The following MARF1 variants were observed in gnomAD, a reference collection of about 807,000 sequenced individuals.
MARF1 encodes the protein limkain-b1.
In MARF1, 24 loss-of-function variants were observed where a neutral mutation model predicts 168.2. The ratio of observed to expected loss-of-function variants is 0.14; its 90% CI spans 0.10 to 0.20. The LOEUF is 0.20. Among genes scored for constraint, MARF1 ranks in the 10% least tolerant of loss-of-function variants. The pLI is 1.00. For synonymous variants in MARF1, 868 were observed against 822.4 expected (o/e 1.06, Z -0.95); for missense variants, 1,744 against 2,143.6 (o/e 0.81, Z 3.68).
rs1194892094 is a variant in MARF1 at position 15,617,342 on chromosome 16, G to A, written c.2914C>T (p.His972Tyr). The change falls in exon 14 of 27, where the codon CAC (histidine) becomes TAC (tyrosine). Residue 972 changes from histidine (H) to tyrosine (Y), a missense_variant. His to Tyr is a moderately conservative substitution (Grantham distance 83). Around this residue, in one of 7 missense-constraint regions of MARF1, gnomAD observed 543 missense variants for 742.1 expected, o/e 0.73. Transcript: ENST00000396368. ...SPIIFEELEY[H>Y]EPVCRQHCSN... ...CAATGCTGTCTGCAGACAGGCTCGT[G>A]ATATTCTAACTCTTCAAATATAATT... The A allele has an allele frequency of 8.7e-6, 14 of 1,614,142 alleles. No individual in the cohort carries two copies. Among genetic ancestry groups the A allele is most frequent in the Non-Finnish European group, 1.2e-5 (14 of 1,180,006 alleles).
chr16:15,626,009 G>A (rs910513712), intron 7 of MARF1, among the ~76,000 whole-genome samples: 2 of 152,166 alleles, frequency 1.3e-5, no homozygotes, highest in African/African-American at 4.8e-5. Context: ...GCATGGTGGT[G>A]CATGCCTACA....
intron 12 of MARF1, 138 bp from the exon 13 acceptor site, chr16:15,620,669 G>A: frequency 1.7e-6 from 1 of 583,106 alleles, no homozygotes. Flanking sequence ...GTATTTTCCA[G>A]AAAAATTTAA....
At chr16:15,641,951 T>C (rs907067495) in intron 1 of MARF1, among the ~76,000 whole-genome samples, 3 of 152,232 alleles carry the variant, frequency 2.0e-5, no homozygotes, top group Admixed American at 6.5e-5. Context: ...TTCAAGTCTT[T>C]TGACCAATTC....
chr16:15,596,292 G>A lies in MARF1; in HGVS notation c.*401C>T, dbSNP rs756790184. 6.4e-6 allele frequency: 1 copy of A among 155,556 alleles called. No individual in the cohort carries two copies. Among genetic ancestry groups the A allele is most frequent in the Non-Finnish European group, 1.4e-5 (1 of 71,124 alleles). 9.6% of individuals were successfully genotyped at this position (155,556 alleles called of 1,614,324 possible). ...GGAAACACCAGTAAGCAAAGGCTGA[G>A]AGACTCTATTATGCTACATGTAGGA... On this transcript the variant is annotated 3_prime_UTR_variant, in exon 27 of 27. Transcript: ENST00000396368.
chr16:15,604,039 G>C (rs533391688), intron 22 of MARF1, 129 bp downstream of exon 22: 1 of 716,464 alleles, frequency 1.4e-6, no homozygotes, highest in African/African-American at 1.8e-5. Context: ...GTCTCGGCGT[G>C]TTCATCCATG....
intron 2 of MARF1, among the ~76,000 whole-genome samples, chr16:15,636,848 C>A (rs898278290): frequency 6.6e-6 from 1 of 152,176 alleles, no homozygotes; most frequent in Non-Finnish European, 1.5e-5. Flanking sequence ...CAGATGAGAT[C>A]AGCCATCTAC....
chr16:15,635,088 T>C lies in MARF1; in HGVS notation c.832-157A>G, dbSNP rs1265040678. On this transcript the variant is annotated intron_variant, in intron 3 of 26. Coordinates refer to ENST00000396368, the MANE Select transcript of MARF1 (RefSeq NM_014647.4). ...TTTCAAATAATCTTTCCAAGAACCA[T>C]TAGCTATCAGTTCATAAATTCATTT... is the stretch of plus-strand genomic sequence containing the variant. 5.0e-6 allele frequency: 3 copies of C among 594,786 alleles called. No individual in the cohort carries two copies. In the East Asian group the frequency reaches 8.5e-5, roughly 17 times the overall value. The allele number at this position is 594,786 out of a possible 1,614,324, so 36.8% of individuals were successfully genotyped here.
chr16:15,603,071 T>C (rs1002716596), intron 22 of MARF1, among the ~76,000 whole-genome samples: 1 of 152,230 alleles, frequency 6.6e-6, no homozygotes, highest in Non-Finnish European at 1.5e-5. Flanking sequence ...TCCTGAAATA[T>C]GCATTAACAC....
chr16:15,602,310 C>A, intron 22 of MARF1, 107 bp from the exon 23 acceptor site: 1 of 867,610 alleles, frequency 1.2e-6, no homozygotes. Context: ...AAGACGAAGA[C>A]AAAGAAGAAA....
chr16:15,608,300 A>C lies in MARF1; in HGVS notation c.4173T>G (p.His1391Gln). Residue 1391 changes from histidine to glutamine, a missense_variant, in exon 21 of 27, where the codon CAT becomes CAG. His to Gln is a conservative substitution (Grantham distance 24). Around this residue, in one of 7 missense-constraint regions of MARF1, gnomAD observed 543 missense variants for 742.1 expected, o/e 0.73. Transcript: ENST00000396368. ...SISALTQKLC[H>Q]VVKVADIESG... ...AAAAAAAAACATTTACCTTCACGAC[A>C]TGGCAGAGTTTCTGAGTTAAAGCCG... 6.4e-7 allele frequency: 1 copy of C among 1,553,710 alleles called. No individual in the cohort carries two copies. The highest frequency in any genetic ancestry group is 8.9e-7 in the Non-Finnish European group (1 of 1,127,562).
At chr16:15,624,216 G>C (rs1273773893) in intron 10 of MARF1, among the ~76,000 whole-genome samples, 2 of 152,132 alleles carry the variant, frequency 1.3e-5, no homozygotes, top group African/African-American at 4.8e-5. Context: ...ACCACGCCCG[G>C]CTGATCCATA....
chr16:15,623,197 G>T lies in MARF1; in HGVS notation c.2271-74C>A. On this transcript the variant is annotated intron_variant, in intron 10 of 26. Coordinates refer to ENST00000396368, the MANE Select transcript of MARF1 (RefSeq NM_014647.4). ...ATTTAGATTTTATCATTTAGGCTTT[G>T]TTTGAAACTATATACAGAAGCAGAT... 6 of 1,077,422 alleles carry T rather than the reference G, an allele frequency of 5.6e-6. No individual in the cohort carries two copies. The South Asian group carries it at 1.0e-4, about 18-fold the overall frequency. 66.7% of individuals were successfully genotyped at this position (1,077,422 alleles called of 1,614,324 possible).
Position 15,617,386 on chromosome 16 carries a change from G to A in MARF1, c.2870C>T (p.Ser957Phe), listed in dbSNP as rs760984911. Residue 957 changes from serine (S) to phenylalanine (F), a missense_variant, in exon 14 of 27, where the codon TCC becomes TTC. Coordinates refer to ENST00000396368, the MANE Select transcript of MARF1 (RefSeq NM_014647.4). ...TATAATTGGGCTGCAATTCGTGGAG[G>A]AGCCGTCGTGTGACTGGGAAGACCC... ...PLGSSQSHDGSSTNCSPIIFE... is the reference protein window; with the variant it reads ...PLGSSQSHDGFSTNCSPIIFE... 23 of 1,614,052 alleles carry A rather than the reference G, an allele frequency of 1.4e-5. No homozygotes were observed. The highest frequency in any genetic ancestry group is 1.1e-4 in the African/African-American group (8 of 74,926).
At position 15,625,420 on chromosome 16, in the gene MARF1, C is replaced by T. The variant is rs1035952944; in HGVS notation, c.1905G>A (p.Gln635=). 23 of 1,612,906 alleles carry T rather than the reference C, an allele frequency of 1.4e-5. No homozygotes were observed. The Admixed American group carries it at 3.0e-4, about 21-fold the overall frequency. Residue 635 remains glutamine (Q), a synonymous_variant, in exon 8 of 27, where the codon CAG becomes CAA. Coordinates refer to ENST00000396368, the MANE Select transcript of MARF1 (RefSeq NM_014647.4). The part of the protein sequence containing the change: ...SAKATPGKGS[Q]ANSGSATKNT... ...TTTTTGTAGCAGATCCAGAATTTGCCTGTGACCCTTTTCCAGGCGTGGCTT... is the reference window on the plus strand; with the variant it reads ...TTTTTGTAGCAGATCCAGAATTTGCTTGTGACCCTTTTCCAGGCGTGGCTT...
chr16:15,642,627 C>A (rs562187535), intron 1 of MARF1: 1 of 152,094 alleles, frequency 6.6e-6, no homozygotes, highest in East Asian at 2.0e-4. Flanking sequence ...CTATGTGTTG[C>A]TAAAAGGCCG....
intron 21 of MARF1, among the ~76,000 whole-genome samples, chr16:15,607,934 C>T (rs907305752): frequency 2.6e-5 from 4 of 152,198 alleles, no homozygotes; most frequent in Admixed American, 2.6e-4. Context: ...CCAAGAACGT[C>T]ACAGGCAAAA....
chr16:15,596,767 G>A lies in MARF1; in HGVS notation c.5155C>T (p.Pro1719Ser), dbSNP rs1212338255. 1.2e-6 allele frequency: 2 copies of A among 1,612,218 alleles called. No individual in the cohort carries two copies. Among genetic ancestry groups the A allele is most frequent in the Non-Finnish European group, 1.7e-6 (2 of 1,178,734 alleles). The change falls in exon 27 of 27, where the codon CCG (proline) becomes TCG (serine). Residue 1719 changes from proline to serine, a missense_variant. Physicochemically the swap from Pro to Ser is moderately conservative, Grantham distance 74 (BLOSUM62 -1). Coordinates refer to ENST00000396368, the MANE Select transcript of MARF1 (RefSeq NM_014647.4). ...CTATTTTTGGGTTGCTTTTTGGCCG[G>A]GCTTTCCACGGGGTCCTTGCTGAGC... ...SLLSKDPVES[P>S]AKKQPKNRVK...
rs762474251 is a variant in MARF1, at chr16:15,625,848, C to T, written c.1525-48G>A. ...TACGTCAGGTTAATTCAAGGGCACA[C>T]ATTCAATTTCAAAATAAGAACAATG... On this transcript the variant is annotated intron_variant, in intron 7 of 26. Coordinates refer to ENST00000396368, the MANE Select transcript of MARF1 (RefSeq NM_014647.4). 9 of 1,462,022 alleles carry T rather than the reference C, an allele frequency of 6.2e-6. No homozygotes were observed. The South Asian group carries it at 9.5e-5, about 15-fold the overall frequency. The allele number at this position is 1,462,022 out of a possible 1,614,324, so 90.6% of individuals were successfully genotyped here.
chr16:15,608,273 A>C lies in MARF1; in HGVS notation c.4182+18T>G, dbSNP rs771826911. 56 of 1,446,850 alleles carry C rather than the reference A, an allele frequency of 3.9e-5. No homozygotes were observed. The East Asian group carries it at 9.2e-4, about 24-fold the overall frequency. 89.6% of individuals were successfully genotyped at this position (1,446,850 alleles called of 1,614,324 possible). A position where few individuals can be genotyped will look rare whatever the true frequency, so the allele number is the denominator to read the frequency against. On this transcript the variant is annotated intron_variant, in intron 21 of 26. Transcript: ENST00000396368. ...TATCCCATGAGGGAAAAAAAAAAAA[A>C]AAAAAAAAAACATTTACCTTCACGA... is the stretch of plus-strand genomic sequence containing the variant.
Sources: allele counts gnomAD v4.1 joint callset (sites outside exome capture counted in the v4.1 genomes callset), GRCh38; gene constraint gnomAD v4.1.1; regional missense constraint gnomAD v4.1.1; transcripts MANE v1.5; gene names NCBI Gene and HGNC (gene_info 2026-07-23, HGNC 2026-07-21).